The following PLXNC1 variants were observed in gnomAD, a reference collection of about 807,000 sequenced individuals.
PLXNC1 encodes plexin C1, also known as plexin-C1.
PLXNC1 carries 75 observed loss-of-function variants against 178.2 expected under a neutral mutation model. The ratio of observed to expected loss-of-function variants is 0.42; its 90% CI spans 0.35 to 0.51. The LOEUF (loss-of-function observed/expected upper bound fraction) is 0.51, where lower values mean the gene tolerates loss of function less well. Ranked by LOEUF, PLXNC1 falls within the 20% of genes least tolerant of loss-of-function variation. The probability of loss-of-function intolerance (pLI) is 0.02; values close to 1 mark genes in which losing one functional copy is unlikely to be tolerated. For missense variants in PLXNC1, 1,503 were observed against 1,984.4 expected, an observed-to-expected ratio of 0.76 and a Z score of 4.61; for synonymous variants, 790 against 779.9, an observed-to-expected ratio of 1.01 and a Z score of -0.22.
rs1377711359 is a variant in PLXNC1, at chr12:94,172,493, A to G, written c.1203+3200A>G. ...ATAATTTTTCCTTATTGTAAAGGTA[A>G]TATATGCTCATGTAAAAAGTTGCAG... On this transcript the variant is annotated intron_variant, in intron 2 of 30. Coordinates refer to ENST00000258526, the MANE Select transcript of PLXNC1 (RefSeq NM_005761.3). Among the ~76,000 whole-genome samples, 3 of 152,310 alleles carry G rather than the reference A, an allele frequency of 2.0e-5. No individual in the cohort carries two copies. The East Asian group carries it at 5.8e-4, about 29-fold the overall frequency.
intron 5 of PLXNC1, among the ~76,000 whole-genome samples, chr12:94,217,715 C>G (rs1963685247): frequency 6.6e-6 from 1 of 152,194 alleles, no homozygotes; most frequent in African/African-American, 2.4e-5. Flanking sequence ...CTCGTTCTTT[C>G]CCTTTTCATT....
chr12:94,209,670 C>G lies in PLXNC1; in HGVS notation c.1520C>G (p.Pro507Arg). 6.2e-7 allele frequency: 1 copy of G among 1,611,450 alleles called. No individual in the cohort carries two copies. Among genetic ancestry groups the G allele is most frequent in the Non-Finnish European group, 8.5e-7 (1 of 1,177,698 alleles). Residue 507 changes from proline (P) to arginine (R), a missense_variant, in exon 5 of 31, where the codon CCT (proline) becomes CGT (arginine). Around this residue, in one of 4 missense-constraint regions of PLXNC1, gnomAD observed 615 missense variants for 698.6 expected, o/e 0.88. Transcript: ENST00000258526. ...ATTTCGTCTGGAGCAAAAAAGTGCC[C>G]TAAAATTCAGATAATTCGAAGCAGT... ...LDISSGAKKC[P>R]KIQIIRSSKE... is the part of the protein sequence containing the mutation.
At chr12:94,181,929 C>T (rs1420622588) in intron 3 of PLXNC1, among the ~76,000 whole-genome samples, 5 of 151,972 alleles carry the variant, frequency 3.3e-5, no homozygotes, top group Non-Finnish European at 2.9e-5. Flanking sequence ...TGAATATACC[C>T]AATGGGACTG....
At chr12:94,257,809 A>G (rs1361503060) in intron 17 of PLXNC1, among the ~76,000 whole-genome samples, 2 of 152,192 alleles carry the variant, frequency 1.3e-5, no homozygotes, top group African/African-American at 4.8e-5. Context: ...CGGGAGGCTG[A>G]GGCAGGAGAA....
chr12:94,232,938 T>A (rs1049742515), intron 9 of PLXNC1, among the ~76,000 whole-genome samples: 1 of 152,204 alleles, frequency 6.6e-6, no homozygotes, highest in Non-Finnish European at 1.5e-5. Flanking sequence ...TTACCCTACA[T>A]TGTATGCCCT....
chr12:94,204,536 C>A (rs1442616622), intron 4 of PLXNC1, among the ~76,000 whole-genome samples: 2 of 152,256 alleles, frequency 1.3e-5, no homozygotes, highest in African/African-American at 4.8e-5. Flanking sequence ...GCTTTCCCAG[C>A]AAGTTATTTT....
At chr12:94,241,758 A>C (rs1443586251) in intron 11 of PLXNC1, among the ~76,000 whole-genome samples, 1 of 152,136 alleles carries the variant, frequency 6.6e-6, no homozygotes, top group African/African-American at 2.4e-5. Flanking sequence ...TTTATCCTCT[A>C]ATCTGTTGAT....
At chr12:94,243,890 C>A (rs1391251898) in intron 11 of PLXNC1, 48 bp from the exon 12 acceptor site, 3 of 868,110 alleles carry the variant, frequency 3.5e-6, no homozygotes, top group Non-Finnish European at 5.5e-6. Context: ...ATGCAAAATG[C>A]CTGTGTGTTA....
intron 5 of PLXNC1, among the ~76,000 whole-genome samples, chr12:94,219,660 A>T (rs1963734991): frequency 6.6e-6 from 1 of 152,176 alleles, no homozygotes; most frequent in African/African-American, 2.4e-5. Context: ...ACAGATAAAG[A>T]TTAATATCTA....
chr12:94,183,081 T>C (rs1050193062), intron 3 of PLXNC1, among the ~76,000 whole-genome samples: 6 of 152,236 alleles, frequency 3.9e-5, no homozygotes, highest in African/African-American at 9.6e-5. Flanking sequence ...AAGAAGATAA[T>C]TGAGACTTAC....
chr12:94,196,194 T>C (rs1035147815), intron 4 of PLXNC1, among the ~76,000 whole-genome samples: 1 of 152,170 alleles, frequency 6.6e-6, no homozygotes, highest in Non-Finnish European at 1.5e-5. Flanking sequence ...GAGGGCCCGA[T>C]AGGGCTTAGA....
Position 94,194,718 on chromosome 12 carries a change from C to T in PLXNC1, c.1439+8245C>T, listed in dbSNP as rs554806892. 1.2e-4 allele frequency among the ~76,000 whole-genome samples: 19 copies of T among 152,262 alleles called. No homozygotes were observed. The South Asian group carries it at 3.1e-3, about 25-fold the overall frequency. ...TCAGTGAGCCGTGATTGTACCACTG[C>T]ACTCCAGCCTTGGTGACAGAACGAG... is the stretch of plus-strand genomic sequence containing the variant. On this transcript the variant is annotated intron_variant, in intron 4 of 30. Coordinates refer to ENST00000258526, the MANE Select transcript of PLXNC1 (RefSeq NM_005761.3).
chr12:94,206,663 T>C (rs1963310658), intron 4 of PLXNC1, among the ~76,000 whole-genome samples: 1 of 152,180 alleles, frequency 6.6e-6, no homozygotes, highest in Admixed American at 6.5e-5. Flanking sequence ...GACTTTGGGA[T>C]AGATCCTCAG....
intron 4 of PLXNC1, among the ~76,000 whole-genome samples, chr12:94,206,298 G>T: frequency 6.6e-6 from 1 of 151,764 alleles, no homozygotes. Context: ...GGAGGGGGCG[G>T]TTACATACTT....
chr12:94,288,750 G>A (rs1261093072), intron 23 of PLXNC1, among the ~76,000 whole-genome samples: 1 of 152,208 alleles, frequency 6.6e-6, no homozygotes. Context: ...AGAGCTGAGG[G>A]AGAAGACGAT....
chr12:94,243,853 T>C (rs1031028476), intron 11 of PLXNC1, 85 bp from the exon 12 acceptor site: 47 of 616,696 alleles, frequency 7.6e-5, no homozygotes, highest in South Asian at 1.5e-4. Context: ...ATATTAAACA[T>C]GAATAAATTG....
Position 94,237,601 on chromosome 12 carries a change from T to C in PLXNC1, c.1981-63T>C, listed in dbSNP as rs865907929. On this transcript the variant is annotated intron_variant, in intron 9 of 30. Transcript: ENST00000258526. ...CTTCGAACTGCAGCGTATAAACAGA[T>C]TTTTTTGGAGCGATGCCATTTCTTA... 28 of 1,482,902 alleles carry C rather than the reference T, an allele frequency of 1.9e-5. No homozygotes were observed. In the Middle Eastern group the frequency reaches 1.0e-3, roughly 55 times the overall value. 91.9% of individuals were successfully genotyped at this position (1,482,902 alleles called of 1,614,324 possible). A position where few individuals can be genotyped will look rare whatever the true frequency, so the allele number is the denominator to read the frequency against.
chr12:94,165,133 G>C (rs1961560417), intron 1 of PLXNC1, among the ~76,000 whole-genome samples: 1 of 152,112 alleles, frequency 6.6e-6, no homozygotes, highest in Non-Finnish European at 1.5e-5. Flanking sequence ...TGCCCTAAGG[G>C]GAGAGAAGGG....
At chr12:94,264,003 C>T (rs750727111) in intron 20 of PLXNC1, among the ~76,000 whole-genome samples, 28 of 152,098 alleles carry the variant, frequency 1.8e-4, no homozygotes, top group Non-Finnish European at 3.8e-4. Context: ...CTGGACGTAT[C>T]GCTTGTCAAG....
Sources: allele counts gnomAD v4.1 joint callset (sites outside exome capture counted in the v4.1 genomes callset), GRCh38; gene constraint gnomAD v4.1.1; regional missense constraint gnomAD v4.1.1; transcripts MANE v1.5; gene names NCBI Gene and HGNC (gene_info 2026-07-23, HGNC 2026-07-21).